The following SUMF1 variants were observed in gnomAD, a reference collection of about 807,000 sequenced individuals.
The protein encoded by SUMF1 is sulfatase modifying factor 1.
A neutral mutation model predicts 47.6 loss-of-function variants in SUMF1; 48 were observed. That is an observed-to-expected ratio of 1.01 (90% CI 0.80 to 1.28). The LOEUF (loss-of-function observed/expected upper bound fraction) is 1.28, where lower values mean the gene tolerates loss of function less well. Ranked by LOEUF, SUMF1 falls within the 50% of genes most tolerant of loss-of-function variation. The pLI is 0.00. For synonymous variants in SUMF1, 230 were observed against 192.1 expected, an observed-to-expected ratio of 1.20 and a Z score of -1.63; for missense variants, 571 against 485.4, an observed-to-expected ratio of 1.18 and a Z score of -1.66.
intron 8 of SUMF1, among the ~76,000 whole-genome samples, chr3:4,265,700 G>C (rs1307252632): frequency 6.6e-6 from 1 of 152,176 alleles, no homozygotes; most frequent in African/African-American, 2.4e-5. Flanking sequence ...TCTGATGGTA[G>C]TTTCTTTTGC....
At chr3:4,459,434 G>C (rs1188264368) in intron 1 of SUMF1, among the ~76,000 whole-genome samples, 1 of 152,072 alleles carries the variant, frequency 6.6e-6, no homozygotes, top group Non-Finnish European at 1.5e-5. Flanking sequence ...TAGCAATACG[G>C]GCAGAAGCAT....
chr3:4,169,746 G>A (rs1694791763), intron 8 of SUMF1, among the ~76,000 whole-genome samples: 1 of 152,160 alleles, frequency 6.6e-6, no homozygotes, highest in African/African-American at 2.4e-5. Flanking sequence ...TAGGGCTTGT[G>A]CAAACGGCAT....
chr3:4,184,354 G>A (rs745863720), intron 8 of SUMF1, among the ~76,000 whole-genome samples: 80 of 152,020 alleles, frequency 5.3e-4, no homozygotes, highest in Middle Eastern at 3.4e-3. Context: ...TACTCCAGGG[G>A]CTGAGGTATG....
chr3:4,357,572 C>A (rs116072924), downstream of SUMF1, among the ~76,000 whole-genome samples: 1,794 of 144,230 alleles, frequency 0.012, 34 homozygotes, highest in African/African-American at 0.044. Flanking sequence ...CCTGCCCCAA[C>A]CAACTTTTAT....
At chr3:4,179,761 A>G (rs910763777) in intron 8 of SUMF1, among the ~76,000 whole-genome samples, 1 of 152,198 alleles carries the variant, frequency 6.6e-6, no homozygotes, top group Non-Finnish European at 1.5e-5. Flanking sequence ...CTGGCAACCT[A>G]CAGAATGGGA....
downstream of SUMF1, among the ~76,000 whole-genome samples, chr3:4,357,905 G>T (rs1181632672): frequency 2.6e-5 from 4 of 151,986 alleles, no homozygotes. Context: ...ACCGTGCCTG[G>T]CCCCGACCAA....
chr3:4,394,072 T>G (rs1041516632), intron 7 of SUMF1, among the ~76,000 whole-genome samples: 12 of 152,176 alleles, frequency 7.9e-5, no homozygotes, highest in African/African-American at 2.9e-4. Context: ...AGGAATTATT[T>G]TTAGGTTTTT....
At chr3:4,249,548 A>G (rs1696746671) in intron 8 of SUMF1, among the ~76,000 whole-genome samples, 1 of 152,092 alleles carries the variant, frequency 6.6e-6, no homozygotes, top group Admixed American at 6.6e-5. Context: ...AAGATGGCAA[A>G]CTTAATAAAT....
rs557854194 is a variant in SUMF1, at chr3:4,155,413, A to T, written c.1015-86668T>A. Among the ~76,000 whole-genome samples the T allele has an allele frequency of 1.1e-4, 17 of 151,734 alleles. No individual in the cohort carries two copies. The South Asian group carries it at 3.5e-3, about 31-fold the overall frequency. ...AAAATGCTACGTACTTGCTTTTCCC[A>T]GCTCCTTTAGGCATGCGATGTTCTC... On this transcript the variant is annotated intron_variant and NMD_transcript_variant, in intron 8 of 12. Coordinates refer to the SUMF1 transcript ENST00000448413.
intron 8 of SUMF1, among the ~76,000 whole-genome samples, chr3:4,234,858 T>G (rs183035417): frequency 1.1e-4 from 17 of 152,198 alleles, no homozygotes; most frequent in Non-Finnish European, 1.9e-4. Context: ...GAAAATAAAT[T>G]CGTTTAGCAA....
intron 6 of SUMF1, among the ~76,000 whole-genome samples, chr3:4,416,039 CA>C (rs1414763817): frequency 2.4e-4 from 37 of 152,228 alleles, no homozygotes; most frequent in Middle Eastern, 3.4e-3. Context: ...TATTTTCTTA[CA>C]GTAGCACAAA....
intron 8 of SUMF1, among the ~76,000 whole-genome samples, chr3:4,151,753 G>A (rs1456130685): frequency 1.3e-5 from 2 of 150,794 alleles, no homozygotes; most frequent in African/African-American, 4.9e-5. Flanking sequence ...GAAAGTTTAT[G>A]AATCTGTGTT....
chr3:4,227,001 T>C (rs1260343145), intron 8 of SUMF1, among the ~76,000 whole-genome samples: 1 of 152,138 alleles, frequency 6.6e-6, no homozygotes, highest in Non-Finnish European at 1.5e-5. Flanking sequence ...GGGGTGGAAC[T>C]TGGGAGTTTC....
intron 8 of SUMF1, among the ~76,000 whole-genome samples, chr3:4,265,136 C>CAAAAAAAAAAAAAAAAAAAAAAAAAAAAA (rs71043507): frequency 1.4e-5 from 1 of 73,412 alleles, no homozygotes; most frequent in Non-Finnish European, 2.6e-5. Context: ...GACTCCATCT[C>CAAAAAAAAAAAAAAAAAAAAAAAAAAAAA]AAAAAAAAAA....
At chr3:4,405,728 C>T (rs967277962) in intron 7 of SUMF1, among the ~76,000 whole-genome samples, 7 of 152,228 alleles carry the variant, frequency 4.6e-5, no homozygotes, top group African/African-American at 1.4e-4. Context: ...CCCTGAGAAA[C>T]AGAGGACACT....
intron 8 of SUMF1, among the ~76,000 whole-genome samples, chr3:4,205,438 T>C (rs796651663): frequency 4.6e-5 from 7 of 152,270 alleles, no homozygotes; most frequent in African/African-American, 1.7e-4. Context: ...CACGGACACA[T>C]GAGACAGTTA....
intron 8 of SUMF1, among the ~76,000 whole-genome samples, chr3:4,281,700 GGGAAA>G (rs1697533263): frequency 6.6e-6 from 1 of 151,852 alleles, no homozygotes; most frequent in Admixed American, 6.6e-5. Flanking sequence ...AAAAAACAGG[GGGAAA>G]GGAAAATAAA....
At chr3:4,104,479 C>A (rs947671795) in intron 8 of SUMF1, among the ~76,000 whole-genome samples, 1 of 152,070 alleles carries the variant, frequency 6.6e-6, no homozygotes, top group Non-Finnish European at 1.5e-5. Flanking sequence ...ATCTGTGGAG[C>A]CTGCAGCAGT....
At chr3:4,323,981 G>C (rs1334914446) in intron 8 of SUMF1, among the ~76,000 whole-genome samples, 1 of 151,910 alleles carries the variant, frequency 6.6e-6, no homozygotes, top group African/African-American at 2.4e-5. Context: ...TTTTAAATCT[G>C]TGTACGTGTA....
Sources: gnomAD v4.1 joint callset for allele counts (sites outside exome capture counted in the v4.1 genomes callset) on GRCh38, gnomAD v4.1.1 for gene constraint, MANE v1.5 for transcripts, NCBI Gene and HGNC (gene_info 2026-07-23, HGNC 2026-07-21) for gene names.